SRRM4: variants seen among roughly 807,000 people sequenced by gnomAD.
SRRM4 encodes the protein serine/arginine repetitive matrix protein 4.
SRRM4 carries 33 observed loss-of-function variants against 68.9 expected under a neutral mutation model. The ratio of observed to expected loss-of-function variants is 0.48; its 90% CI spans 0.36 to 0.64. SRRM4 has a LOEUF of 0.64. SRRM4 is among the 30% of genes least tolerant of loss of function. SRRM4 has a pLI of 0.00. For synonymous variants in SRRM4, 318 were observed against 318.8 expected, an observed-to-expected ratio of 1.00 and a Z score of 0.03; for missense variants, 817 against 827.1, an observed-to-expected ratio of 0.99 and a Z score of 0.15.
At chr12:119,088,644 C>T (rs560637112) in intron 1 of SRRM4, among the ~76,000 whole-genome samples, 1 of 139,136 alleles carries the variant, frequency 7.2e-6, no homozygotes, top group Non-Finnish European at 1.5e-5. Flanking sequence ...GAACACAGTG[C>T]AGTAAAGAAT....
intron 2 of SRRM4, among the ~76,000 whole-genome samples, chr12:119,106,231 G>C (rs953342973): frequency 2.0e-5 from 3 of 152,218 alleles, no homozygotes; most frequent in Admixed American, 2.0e-4. Flanking sequence ...ATAGTTTGAA[G>C]TCAGGTAGCG....
At chr12:119,094,211 G>A (rs1253189949) in intron 1 of SRRM4, among the ~76,000 whole-genome samples, 1 of 152,084 alleles carries the variant, frequency 6.6e-6, no homozygotes, top group Non-Finnish European at 1.5e-5. Context: ...ATCGCCTGTG[G>A]AGAGGGAGTG....
At chr12:119,149,693 G>A (rs746160223) in intron 9 of SRRM4, among the ~76,000 whole-genome samples, 2 of 152,184 alleles carry the variant, frequency 1.3e-5, no homozygotes, top group Non-Finnish European at 1.5e-5. Context: ...CAGCCAGAAT[G>A]TTCTGAGGCC....
At chr12:119,032,145 A>C (rs182746235) in intron 1 of SRRM4, among the ~76,000 whole-genome samples, 7 of 152,248 alleles carry the variant, frequency 4.6e-5, no homozygotes, top group Admixed American at 2.6e-4. Context: ...TGATGGTATA[A>C]TAATATCTCA....
At chr12:119,147,684 A>G (rs751171493) in intron 9 of SRRM4, among the ~76,000 whole-genome samples, 2 of 152,250 alleles carry the variant, frequency 1.3e-5, no homozygotes, top group Non-Finnish European at 2.9e-5. Flanking sequence ...TAATTTATCA[A>G]CATATCAGAG....
rs1031300203 is a variant in SRRM4, at chr12:119,082,297, C to A, written c.132-19939C>A. On this transcript the variant is annotated intron_variant, in intron 1 of 12. Transcript: ENST00000267260. ...TCCTCTTCCATTAGATGTAAAGCCA[C>A]CCCCCATCCCCGCCTCCACCACGCT... Among the ~76,000 whole-genome samples, 5 of 152,132 alleles carry A rather than the reference C, an allele frequency of 3.3e-5. No homozygotes were observed. The East Asian group carries it at 9.6e-4, about 29-fold the overall frequency.
intron 1 of SRRM4, among the ~76,000 whole-genome samples, chr12:119,019,436 C>T (rs1953500700): frequency 6.6e-6 from 1 of 152,084 alleles, no homozygotes; most frequent in Non-Finnish European, 1.5e-5. Context: ...CCTGAAGCTT[C>T]CCAGGGCTTG....
rs1954479786 is a variant in SRRM4, at chr12:119,157,190, C to G, written c.*392C>G. On this transcript the variant is annotated 3_prime_UTR_variant, in exon 13 of 13. Coordinates refer to ENST00000267260, the MANE Select transcript of SRRM4 (RefSeq NM_194286.4). The surrounding 1 kb of genome is among the most constrained non-coding windows in gnomAD (Gnocchi z 4.1). ...TCACAGGAGGCCCGTGGTAATTCTCCCCACCTCCCCGGATGCCCCACTAGT... is the reference window on the plus strand; with the variant it reads ...TCACAGGAGGCCCGTGGTAATTCTCGCCACCTCCCCGGATGCCCCACTAGT... 1 of 188,948 alleles carries G rather than the reference C, an allele frequency of 5.3e-6. No homozygotes were observed. The highest frequency in any genetic ancestry group is 5.4e-5 in the Admixed American group (1 of 18,674). The allele number at this position is 188,948 out of a possible 1,614,324, so 11.7% of individuals were successfully genotyped here.
intron 1 of SRRM4, among the ~76,000 whole-genome samples, chr12:119,014,449 A>G (rs1953469069): frequency 6.6e-6 from 1 of 152,150 alleles, no homozygotes; most frequent in African/African-American, 2.4e-5. Flanking sequence ...ATGAGTCAGA[A>G]CAGGTATGAT....
intron 8 of SRRM4, among the ~76,000 whole-genome samples, chr12:119,131,215 C>T (rs1954295708): frequency 1.3e-5 from 2 of 152,186 alleles, no homozygotes; most frequent in South Asian, 4.1e-4. Flanking sequence ...CAGAGGCACT[C>T]CAGCTTTTAC....
chr12:119,074,487 C>G (rs1320842946), intron 1 of SRRM4, among the ~76,000 whole-genome samples: 1 of 152,082 alleles, frequency 6.6e-6, no homozygotes, highest in Non-Finnish European at 1.5e-5. Flanking sequence ...GCTACAGATG[C>G]AAAGACAAGT....
chr12:119,076,368 T>G (rs1953916708), intron 1 of SRRM4, among the ~76,000 whole-genome samples: 1 of 152,140 alleles, frequency 6.6e-6, no homozygotes, highest in Non-Finnish European at 1.5e-5. Flanking sequence ...TGCCTAAACT[T>G]GTAAGCTAAT....
intron 1 of SRRM4, among the ~76,000 whole-genome samples, chr12:119,072,626 T>C (rs1311280072): frequency 6.6e-6 from 1 of 151,514 alleles, no homozygotes; most frequent in Non-Finnish European, 1.5e-5. Flanking sequence ...TACCCGCAGA[T>C]TGAACAGAGA....
chr12:119,072,200 G>A (rs1418710257), intron 1 of SRRM4, among the ~76,000 whole-genome samples: 3 of 152,298 alleles, frequency 2.0e-5, no homozygotes, highest in East Asian at 3.9e-4. Flanking sequence ...GGGTATTGCT[G>A]TTCTGTCTGG....
At chr12:119,138,119 T>C (rs1414915897) in intron 8 of SRRM4, among the ~76,000 whole-genome samples, 1 of 152,152 alleles carries the variant, frequency 6.6e-6, no homozygotes, top group African/African-American at 2.4e-5. Flanking sequence ...AAGGGGCAGC[T>C]GTAATTGCTC....
At chr12:119,115,277 G>T (rs1954171600) in intron 3 of SRRM4, among the ~76,000 whole-genome samples, 1 of 151,786 alleles carries the variant, frequency 6.6e-6, no homozygotes, top group Non-Finnish European at 1.5e-5. Context: ...TTGACTCTTT[G>T]GTATCCTATG....
chr12:119,070,388 C>T (rs1230391900), intron 1 of SRRM4, among the ~76,000 whole-genome samples: 6 of 152,232 alleles, frequency 3.9e-5, no homozygotes, highest in South Asian at 2.1e-4. Flanking sequence ...TATAGATCCC[C>T]GGATTTTAGA....
intron 1 of SRRM4, among the ~76,000 whole-genome samples, chr12:119,073,710 T>G (rs1953892319): frequency 1.3e-5 from 2 of 152,192 alleles, no homozygotes; most frequent in Admixed American, 6.5e-5. Flanking sequence ...AGGCTTGAAC[T>G]CCTGGACTCA....
At chr12:119,047,947 C>A (rs1044767991) in intron 1 of SRRM4, among the ~76,000 whole-genome samples, 7 of 152,188 alleles carry the variant, frequency 4.6e-5, no homozygotes, top group African/African-American at 1.7e-4. Context: ...CATAATGCAA[C>A]CTGCTACAAT....
Sources: gnomAD v4.1 joint callset for allele counts (sites outside exome capture counted in the v4.1 genomes callset) on GRCh38, gnomAD v4.1.1 for gene constraint, Gnocchi (gnomAD v3.1) non-coding constraint, MANE v1.5 for transcripts, NCBI Gene and HGNC (gene_info 2026-07-23, HGNC 2026-07-21) for gene names.